Variants in JADE2 observed in about 807,000 individuals in gnomAD.
JADE2 encodes jade family PHD finger 2.
Under a neutral mutation model 85.7 loss-of-function variants are expected in JADE2, and 13 were observed. The observed-to-expected ratio is 0.15, with a 90% CI of 0.10 to 0.24. The LOEUF is 0.24. Ranked by LOEUF, JADE2 falls within the 10% of genes least tolerant of loss-of-function variation. The probability of loss-of-function intolerance (pLI) is 1.00; values close to 1 mark genes in which losing one functional copy is unlikely to be tolerated. For synonymous variants in JADE2, 440 were observed against 456.1 expected (o/e 0.96, Z 0.45); for missense variants, 846 against 1,115.9 (o/e 0.76, Z 3.45).
At chr5:134,574,053 C>A in intron 10 of JADE2, 1 of 470,932 alleles carries the variant, frequency 2.1e-6, no homozygotes, top group South Asian at 2.0e-5. Flanking sequence ...GAGCTGATTG[C>A]ATGTGAACAG....
intron 10 of JADE2, among the ~76,000 whole-genome samples, chr5:134,575,937 G>A (rs948145867): frequency 5.3e-5 from 8 of 151,722 alleles, no homozygotes; most frequent in African/African-American, 1.5e-4. Context: ...ACAGTGGCTC[G>A]CACCTGTAAT....
intron 3 of JADE2, among the ~76,000 whole-genome samples, chr5:134,546,767 CAA>C (rs11340279): frequency 1.1e-4 from 15 of 134,874 alleles, no homozygotes; most frequent in East Asian, 1.0e-3. Context: ...GACACCGTCT[CAA>C]AAAAAAAAAA....
chr5:134,527,384 G>C (rs1758494036), intron 1 of JADE2, among the ~76,000 whole-genome samples: 2 of 152,048 alleles, frequency 1.3e-5, no homozygotes, highest in Non-Finnish European at 2.9e-5. Flanking sequence ...TTGGCGATTC[G>C]CAGCTGTTCT....
intron 3 of JADE2, among the ~76,000 whole-genome samples, chr5:134,541,767 G>T (rs1761975182): frequency 6.6e-6 from 1 of 152,222 alleles, no homozygotes; most frequent in Non-Finnish European, 1.5e-5. Flanking sequence ...GGTTTGGGTG[G>T]GATAGGCAGG....
At chr5:134,573,815 G>A in intron 10 of JADE2, 53 bp downstream of exon 10, 2 of 1,137,796 alleles carry the variant, frequency 1.8e-6, no homozygotes, top group Admixed American at 1.7e-5. Flanking sequence ...TCTCTTGCGG[G>A]GCTGGGTCCC....
In JADE2 at chr5:134,579,134, A is replaced by T. The variant is rs773288220; in HGVS notation, c.2322A>T (p.Gly774=). ...LPGARPDAGM[G]PPSAVAERPK... is the part of the protein sequence containing the mutation. ...GTGCCAGGCCTGATGCTGGGATGGG[A>T]CCACCTTCAGCTGTGGCTGAGAGGC... Residue 774 remains glycine (G), a synonymous_variant, in exon 12 of 12, where the codon GGA becomes GGT. Coordinates refer to ENST00000681547, the MANE Select transcript of JADE2 (RefSeq NM_001388185.1). The surrounding 1 kb of genome is among the most constrained non-coding windows in gnomAD (Gnocchi z 4.6). The T allele has an allele frequency of 6.2e-7, 1 of 1,614,154 alleles. No homozygotes were observed. The highest frequency in any genetic ancestry group is 8.5e-7 in the Non-Finnish European group (1 of 1,180,032).
At chr5:134,537,933 A>G (rs1761700146) in intron 2 of JADE2, 56 bp from the exon 3 acceptor site, 2 of 1,288,550 alleles carry the variant, frequency 1.6e-6, no homozygotes, top group African/African-American at 1.5e-5. Context: ...CTTGGGCATG[A>G]GTGGGTGGTG....
chr5:134,541,271 G>C (rs1406087727), intron 3 of JADE2, among the ~76,000 whole-genome samples: 1 of 152,262 alleles, frequency 6.6e-6, no homozygotes, highest in East Asian at 1.9e-4. Context: ...ACAAGGTTGA[G>C]CCGTGGCCGG....
chr5:134,537,852 G>A, intron 2 of JADE2, 137 bp from the exon 3 acceptor site: 1 of 633,200 alleles, frequency 1.6e-6, no homozygotes, highest in Non-Finnish European at 2.9e-6. Flanking sequence ...CCAGAGCAGG[G>A]ATACTAGGTC....
chr5:134,543,085 A>G (rs1762072481), intron 3 of JADE2, among the ~76,000 whole-genome samples: 1 of 147,146 alleles, frequency 6.8e-6, no homozygotes, highest in African/African-American at 2.5e-5. Context: ...CCCAGGTTGG[A>G]GTGGAGTGGT....
At chr5:134,542,042 C>G (rs1397905428) in intron 3 of JADE2, among the ~76,000 whole-genome samples, 1 of 152,244 alleles carries the variant, frequency 6.6e-6, no homozygotes, top group Non-Finnish European at 1.5e-5. Flanking sequence ...CCCTGGGATT[C>G]TTGGGAGGCT....
chr5:134,564,074 C>T (rs329310), intron 7 of JADE2: 151,741 of 153,346 alleles, frequency 0.99, 75,092 homozygotes, highest in Middle Eastern at 1. Context: ...AAATACAAAT[C>T]GTAACAAGAA....
intron 3 of JADE2, 47 bp from the exon 4 acceptor site, chr5:134,552,000 AGACTG>A: frequency 6.3e-7 from 1 of 1,593,456 alleles, no homozygotes; most frequent in South Asian, 1.1e-5. Context: ...CCTGTGGGGC[AGACTG>A]CCCTGAGGCA....
chr5:134,532,699 C>T (rs1038427641), intron 1 of JADE2, among the ~76,000 whole-genome samples: 1 of 152,116 alleles, frequency 6.6e-6, no homozygotes, highest in Non-Finnish European at 1.5e-5. Context: ...ACCTCCACCC[C>T]CCAAGTGTGT....
At chr5:134,563,932 C>G (rs769517614) in intron 7 of JADE2, among the ~76,000 whole-genome samples, 2 of 152,174 alleles carry the variant, frequency 1.3e-5, no homozygotes, top group African/African-American at 4.8e-5. Flanking sequence ...GCCCAGTAGA[C>G]TTGGGCATAG....
At position 134,543,104 on chromosome 5, in the gene JADE2, G is replaced by A. The variant is rs189921963; in HGVS notation, c.153+5021G>A. ...GGTTGGAGTGGAGTGGTGTGATCTC[G>A]GCTCACTGCAACCTCCATCTCCTGG... On this transcript the variant is annotated intron_variant, in intron 3 of 11. Coordinates refer to ENST00000681547, the MANE Select transcript of JADE2 (RefSeq NM_001388185.1). Among the ~76,000 whole-genome samples, 403 of 138,666 alleles carry A rather than the reference G, an allele frequency of 2.9e-3. 3 individuals are homozygous for A. Among genetic ancestry groups the A allele is most frequent in the African/African-American group, 0.01 (383 of 36,926 alleles). The allele number at this position is 138,666 out of a possible 152,430, so 91.0% of individuals were successfully genotyped here.
chr5:134,579,048 C>T lies in JADE2; in HGVS notation c.2236C>T (p.Pro746Ser), dbSNP rs1162197801. The T allele has an allele frequency of 1.2e-6, 2 of 1,614,044 alleles. No individual in the cohort carries two copies. The highest frequency in any genetic ancestry group is 1.7e-6 in the Non-Finnish European group (2 of 1,180,010). The change falls in exon 12 of 12, where the codon CCT becomes TCT. Residue 746 changes from proline to serine, a missense_variant. By Grantham distance (74) the Pro-to-Ser change is moderately conservative. Around this residue, in one of 9 missense-constraint regions of JADE2, gnomAD observed 300 missense variants for 300.7 expected, o/e 1.00. Coordinates refer to ENST00000681547, the MANE Select transcript of JADE2 (RefSeq NM_001388185.1). The surrounding 1 kb of genome is among the most constrained non-coding windows in gnomAD (Gnocchi z 4.6). Reference sequence around the variant, plus strand: ...CCAAGTGCCTGGCCCTGCAGCAAGCCCTAAGCCTTTGGGCCGGCTCCGGCC... The same window carrying T: ...CCAAGTGCCTGGCCCTGCAGCAAGCTCTAAGCCTTTGGGCCGGCTCCGGCC... ...DVQVPGPAASPKPLGRLRPPR... is the reference protein window; with the variant it reads ...DVQVPGPAASSKPLGRLRPPR...
chr5:134,551,052 G>A (rs746251412), intron 3 of JADE2, among the ~76,000 whole-genome samples: 13 of 151,990 alleles, frequency 8.6e-5, no homozygotes, highest in African/African-American at 1.2e-4. Flanking sequence ...AGCCCCGGCC[G>A]TCCCCCAGCT....
chr5:134,541,812 T>A (rs1285859880), intron 3 of JADE2, among the ~76,000 whole-genome samples: 3 of 152,242 alleles, frequency 2.0e-5, no homozygotes, highest in South Asian at 4.1e-4. Context: ...GGCTGCCCTT[T>A]CCCAGTGCAC....
Sources: gnomAD v4.1 joint callset for allele counts (sites outside exome capture counted in the v4.1 genomes callset) on GRCh38, gnomAD v4.1.1 for gene constraint, gnomAD v4.1.1 regional missense constraint, Gnocchi (gnomAD v3.1) non-coding constraint, MANE v1.5 for transcripts, NCBI Gene and HGNC (gene_info 2026-07-23, HGNC 2026-07-21) for gene names.